ZKSCAN2: variants seen among roughly 807,000 people sequenced by gnomAD.
The protein encoded by ZKSCAN2 is zinc finger with KRAB and SCAN domains 2.
A neutral mutation model predicts 90.5 loss-of-function variants in ZKSCAN2; 38 were observed. The observed-to-expected ratio is 0.42, with a 90% confidence interval of 0.32 to 0.55. The LOEUF is 0.55. Ranked by LOEUF, ZKSCAN2 falls within the 20% of genes least tolerant of loss-of-function variation. The pLI is 0.11. For missense variants in ZKSCAN2, 1,167 were observed against 1,202.6 expected, an observed-to-expected ratio of 0.97 and a Z score of 0.44; for synonymous variants, 429 against 421.6, an observed-to-expected ratio of 1.02 and a Z score of -0.22.
intron 3 of ZKSCAN2, among the ~76,000 whole-genome samples, chr16:25,252,306 A>C (rs1020793752): frequency 6.6e-6 from 1 of 152,210 alleles, no homozygotes; most frequent in East Asian, 1.9e-4. Flanking sequence ...TGTGAGGACT[A>C]TAAGTGTATT....
rs934045803 is a variant in ZKSCAN2, at chr16:25,257,647, G to C, written c.-520C>G. On this transcript the variant is annotated 5_prime_UTR_variant, in exon 1 of 7. Transcript: ENST00000328086. ...TGCCGCTGGGGCCGCCGGATTCCGA[G>C]AGCGGCGCCGGGCTCTTTCGGGCCC... The C allele has an allele frequency of 5.9e-6, 2 of 338,952 alleles. No homozygotes were observed. Among genetic ancestry groups the C allele is most frequent in the African/African-American group, 4.5e-5 (2 of 44,774 alleles). 21.0% of individuals were successfully genotyped at this position (338,952 alleles called of 1,614,324 possible).
At position 25,244,019 on chromosome 16, in the gene ZKSCAN2, T is replaced by A; in HGVS notation, c.1747A>T (p.Ile583Phe). The change falls in exon 6 of 7, where the codon ATT (isoleucine) becomes TTT (phenylalanine). Residue 583 changes from isoleucine to phenylalanine, a missense_variant. Ile to Phe is a conservative substitution (Grantham distance 21, BLOSUM62 0). Transcript: ENST00000328086. ...GAAGGAGCAGATGCCCGAGAGTTAA[T>A]CAGGGCATCCATCTCCTTGTAGAAC... The part of the protein sequence containing the change: ...CAFYKEMDAL[I>F]NSRASAPSPS... 1 of 1,614,176 alleles carries A rather than the reference T, an allele frequency of 6.2e-7. No individual in the cohort carries two copies. The highest frequency in any genetic ancestry group is 8.5e-7 in the Non-Finnish European group (1 of 1,180,038).
At chr16:25,247,940 A>G (rs902973817) in intron 4 of ZKSCAN2, among the ~76,000 whole-genome samples, 1 of 152,224 alleles carries the variant, frequency 6.6e-6, no homozygotes, top group African/African-American at 2.4e-5. Flanking sequence ...CATAGAAGGA[A>G]GTCCACACAT....
In ZKSCAN2 at chr16:25,246,815, C is replaced by G. The variant is rs765813907; in HGVS notation, c.1381G>C (p.Val461Leu). Residue 461 changes from valine to leucine, a missense_variant, in exon 5 of 7, where the codon GTG becomes CTG. Val to Leu is a conservative substitution (Grantham distance 32). Transcript: ENST00000328086. ...TCTTCTGCAGCTTCCTCCTCCTCCA[C>G]CAAGCTGATGTGTTCCTTAGCACTG... ...AISAKEHISL[V>L]EEEEAAEDSD... 6.2e-7 allele frequency: 1 copy of G among 1,614,200 alleles called. No homozygotes were observed. Among genetic ancestry groups the G allele is most frequent in the Non-Finnish European group, 8.5e-7 (1 of 1,180,028 alleles).
At chr16:25,247,757 C>T (rs72771354) in intron 4 of ZKSCAN2, among the ~76,000 whole-genome samples, 18,790 of 152,118 alleles carry the variant, frequency 0.12, 1,506 homozygotes, top group East Asian at 0.31. Context: ...CCCCACATTC[C>T]CCTCCATGCC....
At chr16:25,242,905 C>T (rs890576462) in intron 6 of ZKSCAN2, among the ~76,000 whole-genome samples, 2 of 152,144 alleles carry the variant, frequency 1.3e-5, no homozygotes, top group Non-Finnish European at 2.9e-5. Flanking sequence ...GACAGATAGA[C>T]GTGATAGTCT....
At chr16:25,242,676 T>C (rs1300894309) in intron 6 of ZKSCAN2, among the ~76,000 whole-genome samples, 18 of 152,304 alleles carry the variant, frequency 1.2e-4, no homozygotes, top group Non-Finnish European at 2.9e-5. Context: ...TTGAGGTGCA[T>C]GTAGGAAATA....
rs946313550 is a variant in ZKSCAN2, at chr16:25,257,494, G to A, written c.-367C>T. The A allele has an allele frequency of 3.0e-6, 3 of 1,003,792 alleles. No individual in the cohort carries two copies. Among genetic ancestry groups the A allele is most frequent in the Non-Finnish European group, 3.6e-6 (3 of 842,742 alleles). 62.2% of individuals were successfully genotyped at this position (1,003,792 alleles called of 1,614,324 possible). On this transcript the variant is annotated 5_prime_UTR_variant, in exon 1 of 7. Coordinates refer to ENST00000328086, the MANE Select transcript of ZKSCAN2 (RefSeq NM_001012981.5). ...AGGCGGACAGCCGGGCCGGGAGGGG[G>A]TGTGTCCGCTACTCCCGGGTCGGGC... is the stretch of plus-strand genomic sequence containing the variant.
chr16:25,246,921 C>T lies in ZKSCAN2; in HGVS notation c.1275G>A (p.Leu425=). ...ACGGAGCACGGGCTGCAGGGTTCAACAAAGCATCCATGTCCTCAAAGAAGG... is the reference window on the plus strand; with the variant it reads ...ACGGAGCACGGGCTGCAGGGTTCAATAAAGCATCCATGTCCTCAAAGAAGG... ...PCAFFEDMDA[L]LNPAARAPST... The change falls in exon 5 of 7, where the codon TTG becomes TTA. Residue 425 remains leucine, a synonymous_variant. Coordinates refer to ENST00000328086, the MANE Select transcript of ZKSCAN2 (RefSeq NM_001012981.5). 1.2e-6 allele frequency: 2 copies of T among 1,614,168 alleles called. No homozygotes were observed. The highest frequency in any genetic ancestry group is 1.7e-6 in the Non-Finnish European group (2 of 1,180,030).
At position 25,236,692 on chromosome 16, in the gene ZKSCAN2, G is replaced by A. The variant is rs1962771980; in HGVS notation, c.*3124C>T. 1.3e-5 allele frequency: 2 copies of A among 152,184 alleles called. No individual in the cohort carries two copies. The highest frequency in any genetic ancestry group is 4.8e-5 in the African/African-American group (2 of 41,444). 9.4% of individuals were successfully genotyped at this position (152,184 alleles called of 1,614,324 possible). On this transcript the variant is annotated 3_prime_UTR_variant, in exon 7 of 7. Transcript: ENST00000328086. ...CTGCCCTGAGCCATTTACGTGTGAG[G>A]TTTCCCTTTTTAAAAAACTGTTTCT...
Position 25,247,278 on chromosome 16 carries a change from G to A in ZKSCAN2, c.918C>T (p.Val306=). 6.2e-7 allele frequency: 1 copy of A among 1,614,122 alleles called. No homozygotes were observed. Among genetic ancestry groups the A allele is most frequent in the Non-Finnish European group, 8.5e-7 (1 of 1,180,034 alleles). The change falls in exon 5 of 7, where the codon GTC becomes GTT. Residue 306 remains valine (V), a synonymous_variant. Transcript: ENST00000328086. ...GAATAGCATGAACTGACTTTTCCTT[G>A]ACGTAGTTGCTTCGTAGGATACTTC... ...NKRSILRSNY[V]KEKSVHAIQV...
chr16:25,250,580 T>C (rs1036344122), intron 4 of ZKSCAN2, among the ~76,000 whole-genome samples: 5 of 152,182 alleles, frequency 3.3e-5, no homozygotes, highest in East Asian at 1.9e-4. Context: ...TAGTGTATAC[T>C]TGAAATTTGC....
chr16:25,247,532 T>C, intron 4 of ZKSCAN2, 142 bp from the exon 5 acceptor site: 1 of 644,594 alleles, frequency 1.6e-6, no homozygotes, highest in Non-Finnish European at 2.6e-6. Flanking sequence ...TATTTTTACA[T>C]GACTTCCTTG....
Position 25,239,036 on chromosome 16 carries a change from C to G in ZKSCAN2, c.*780G>C, listed in dbSNP as rs1163030444. The stretch of plus-strand genomic sequence containing the variant: ...GTAGTTCGGAAGAGGCCGGCAGGAG[C>G]ACCCAGAGCAACTGAGAGGCAAGTG... On this transcript the variant is annotated 3_prime_UTR_variant, in exon 7 of 7. Transcript: ENST00000328086. The G allele has an allele frequency of 6.6e-6, 1 of 152,636 alleles. No individual in the cohort carries two copies. The highest frequency in any genetic ancestry group is 2.1e-4 in the South Asian group (1 of 4,832). 9.5% of individuals were successfully genotyped at this position (152,636 alleles called of 1,614,324 possible).
At position 25,257,543 on chromosome 16, in the gene ZKSCAN2, G is replaced by A; in HGVS notation, c.-416C>T. ...GCGCGGAGAGGCGAGTCCCCGAGTGGGTGGGGCCGGATGTGCAGGCCCCGC... is the reference window on the plus strand; with the variant it reads ...GCGCGGAGAGGCGAGTCCCCGAGTGAGTGGGGCCGGATGTGCAGGCCCCGC... On this transcript the variant is annotated 5_prime_UTR_variant, in exon 1 of 7. Coordinates refer to ENST00000328086, the MANE Select transcript of ZKSCAN2 (RefSeq NM_001012981.5). 1 of 985,536 alleles carries A rather than the reference G, an allele frequency of 1.0e-6. No individual in the cohort carries two copies. Among genetic ancestry groups the A allele is most frequent in the Non-Finnish European group, 1.2e-6 (1 of 829,602 alleles). 61.0% of individuals were successfully genotyped at this position (985,536 alleles called of 1,614,324 possible).
At position 25,257,135 on chromosome 16, in the gene ZKSCAN2, C is replaced by T. The variant is rs777423900; in HGVS notation, c.-8G>A. 4 of 1,580,836 alleles carry T rather than the reference C, an allele frequency of 2.5e-6. No homozygotes were observed. In the African/African-American group the frequency reaches 4.1e-5, roughly 16 times the overall value. On this transcript the variant is annotated 5_prime_UTR_variant, in exon 1 of 7. Transcript: ENST00000328086. ...GTCGAGGGCGACAGCCATGCTGCAG[C>T]CCAGGGGTCAACTTCACGTCTAGCT...
chr16:25,246,588 G>C, intron 5 of ZKSCAN2, 119 bp downstream of exon 5: 1 of 999,890 alleles, frequency 1.0e-6, no homozygotes, highest in Non-Finnish European at 1.5e-6. Context: ...CCACACCACA[G>C]TGAAAGTGGT....
rs539590570 is a variant in ZKSCAN2, at chr16:25,237,330, T to C, written c.*2486A>G. Reference sequence around the variant, plus strand: ...TTCAGAACAAAGTTCATCAAATTAATGTAACACATGTCTAGACAGCCCATT... The same window carrying C: ...TTCAGAACAAAGTTCATCAAATTAACGTAACACATGTCTAGACAGCCCATT... On this transcript the variant is annotated 3_prime_UTR_variant, in exon 7 of 7. Transcript: ENST00000328086. 1.6e-4 allele frequency: 25 copies of C among 152,274 alleles called. No homozygotes were observed. Among genetic ancestry groups the C allele is most frequent in the African/African-American group, 5.8e-4 (24 of 41,546 alleles). The allele number at this position is 152,274 out of a possible 1,614,324, so 9.4% of individuals were successfully genotyped here.
At chr16:25,244,439 A>T (rs943849242) in intron 5 of ZKSCAN2, among the ~76,000 whole-genome samples, 163 bp from the exon 6 acceptor site, 2 of 152,240 alleles carry the variant, frequency 1.3e-5, no homozygotes, top group African/African-American at 4.8e-5. Flanking sequence ...GAGAAGGTCT[A>T]TATCAAAATG....
Sources: gnomAD v4.1 joint callset for allele counts (sites outside exome capture counted in the v4.1 genomes callset) on GRCh38, gnomAD v4.1.1 for gene constraint, MANE v1.5 for transcripts, NCBI Gene and HGNC (gene_info 2026-07-23, HGNC 2026-07-21) for gene names.